The following TOMM70 variants were observed in gnomAD, a reference collection of about 807,000 sequenced individuals.
The protein encoded by TOMM70 is mitochondrial import receptor subunit TOM70.
TOMM70 carries 13 observed loss-of-function variants against 73.6 expected under a neutral mutation model. That is an observed-to-expected ratio of 0.18 (90% CI 0.11 to 0.28). TOMM70 has a LOEUF of 0.28. Ranked by LOEUF, TOMM70 falls within the 10% of genes least tolerant of loss-of-function variation. The pLI, the probability that TOMM70 is intolerant of heterozygous loss-of-function variation, is 1.00. For synonymous variants in TOMM70, 257 were observed against 271.2 expected (o/e 0.95, Z 0.51); for missense variants, 609 against 747.5 (o/e 0.81, Z 2.16).
intron 1 of TOMM70, among the ~76,000 whole-genome samples, chr3:100,387,599 G>GAC (rs71752325): frequency 0.11 from 12,776 of 118,016 alleles, 696 homozygotes; most frequent in Middle Eastern, 0.15. Flanking sequence ...CACAGACACA[G>GAC]ACACACACAC....
chr3:100,397,011 T>C (rs1201959319), intron 1 of TOMM70, among the ~76,000 whole-genome samples: 3 of 152,224 alleles, frequency 2.0e-5, no homozygotes, highest in Non-Finnish European at 4.4e-5. Flanking sequence ...ATACAGATTT[T>C]CCATTCTATT....
intron 1 of TOMM70, among the ~76,000 whole-genome samples, chr3:100,397,749 C>T (rs1333313282): frequency 3.3e-5 from 5 of 151,830 alleles, no homozygotes; most frequent in Non-Finnish European, 5.9e-5. Flanking sequence ...ATTAGCCAGG[C>T]GTGGTGGTGC....
intron 7 of TOMM70, among the ~76,000 whole-genome samples, chr3:100,374,658 G>A (rs1217874158): frequency 1.3e-5 from 2 of 152,094 alleles, no homozygotes; most frequent in Non-Finnish European, 2.9e-5. Context: ...CTTATAGCAA[G>A]AAGCTCACAA....
intron 10 of TOMM70, 74 bp from the exon 11 acceptor site, chr3:100,368,240 C>A: frequency 6.7e-7 from 1 of 1,484,064 alleles, no homozygotes; most frequent in Non-Finnish European, 9.0e-7. Flanking sequence ...TAATATGACT[C>A]AATTTCTGCC....
chr3:100,396,067 G>A (rs1368882731), intron 1 of TOMM70, among the ~76,000 whole-genome samples: 1 of 151,256 alleles, frequency 6.6e-6, no homozygotes, highest in African/African-American at 2.4e-5. Context: ...AGAAGCAGCA[G>A]GAAAAGTTAT....
intron 1 of TOMM70, among the ~76,000 whole-genome samples, chr3:100,389,146 AAAAC>A (rs1706731164): frequency 6.6e-6 from 1 of 152,234 alleles, no homozygotes; most frequent in Non-Finnish European, 1.5e-5. Context: ...TTTAAAAAGA[AAAAC>A]AATCCAGTGC....
chr3:100,390,022 A>G (rs1167496550), intron 1 of TOMM70, among the ~76,000 whole-genome samples: 1 of 152,182 alleles, frequency 6.6e-6, no homozygotes, highest in Non-Finnish European at 1.5e-5. Context: ...CCTGGGAGAC[A>G]GAGTGTGACT....
At chr3:100,371,018 T>TA (rs1706503729) in intron 9 of TOMM70, among the ~76,000 whole-genome samples, 1 of 152,184 alleles carries the variant, frequency 6.6e-6, no homozygotes, top group Non-Finnish European at 1.5e-5. Flanking sequence ...TTATAAGGCA[T>TA]AAACTCAAGT....
At position 100,377,811 on chromosome 3, in the gene TOMM70, G is replaced by C. The variant is rs1706582157; in HGVS notation, c.986C>G (p.Ala329Gly). Residue 329 changes from alanine to glycine, a missense_variant, in exon 6 of 12, where the codon GCA becomes GGA. Transcript: ENST00000284320. Reference sequence around the variant, plus strand: ...GGTAGCTCGTAGTAGCAATGCTTCTGCCATGTATTTGCCTTCAGCATCTAT... The same window carrying C: ...GGTAGCTCGTAGTAGCAATGCTTCTCCCATGTATTTGCCTTCAGCATCTAT... ...KEIDAEGKYM[A>G]EALLLRATFY... is the part of the protein sequence containing the mutation. 2 of 1,614,018 alleles carry C rather than the reference G, an allele frequency of 1.2e-6. No homozygotes were observed. The highest frequency in any genetic ancestry group is 1.7e-5 in the Admixed American group (1 of 60,006).
rs1706699247 is a variant in TOMM70, at chr3:100,386,990, G to A, written c.325-12C>T. The A allele has an allele frequency of 1.2e-6, 2 of 1,610,126 alleles. No individual in the cohort carries two copies. Among genetic ancestry groups the A allele is most frequent in the African/African-American group, 2.7e-5 (2 of 74,694 alleles). ...CTATCAAGAGAGTTCTGAAATGAGA[G>A]GAAACAATTATCAAACACTAATCAA... On this transcript the variant is annotated splice_polypyrimidine_tract_variant and intron_variant, in intron 1 of 11. Coordinates refer to ENST00000284320, the MANE Select transcript of TOMM70 (RefSeq NM_014820.5).
chr3:100,372,282 C>T (rs1706519204), intron 9 of TOMM70: 1 of 209,074 alleles, frequency 4.8e-6, no homozygotes, highest in Non-Finnish European at 9.4e-6. Context: ...AAAGCCTTTC[C>T]GTGGATATTT....
At chr3:100,375,835 T>A (rs1576212113) in intron 6 of TOMM70, among the ~76,000 whole-genome samples, 1 of 152,212 alleles carries the variant, frequency 6.6e-6, no homozygotes, top group Non-Finnish European at 1.5e-5. Context: ...CACCCAGCTC[T>A]CATGTACAAG....
chr3:100,387,752 C>T (rs1706710286), intron 1 of TOMM70, among the ~76,000 whole-genome samples: 2 of 151,826 alleles, frequency 1.3e-5, no homozygotes, highest in South Asian at 4.1e-4. Flanking sequence ...TCTCCTGCCT[C>T]AGCCTCCCGA....
intron 1 of TOMM70, among the ~76,000 whole-genome samples, chr3:100,396,818 T>A (rs538651419): frequency 1.3e-4 from 20 of 152,340 alleles, no homozygotes; most frequent in Non-Finnish European, 2.9e-4. Flanking sequence ...GATACCCCAA[T>A]ATTCCCATTA....
At chr3:100,393,836 C>T (rs1289677283) in intron 1 of TOMM70, among the ~76,000 whole-genome samples, 5 of 152,128 alleles carry the variant, frequency 3.3e-5, no homozygotes, top group African/African-American at 7.2e-5. Context: ...CATGAGAATC[C>T]GCTCTGAAAT....
Position 100,400,726 on chromosome 3 carries a change from C to T in TOMM70, c.224G>A (p.Ser75Asn). ...RREARGRGDA[S>N]GLKRNSERKT... is the part of the protein sequence containing the mutation. ...CCGTTCGCTGTTGCGCTTCAGGCCG[C>T]TGGCGTCGCCCCGGCCTCTGGCCTC... Residue 75 changes from serine (S) to asparagine (N), a missense_variant, in exon 1 of 12, where the codon AGC becomes AAC. This residue lies in a region of TOMM70 where 177 missense variants were observed against 163.5 expected (regional missense o/e 1.08). Transcript: ENST00000284320. 6.2e-7 allele frequency: 1 copy of T among 1,607,818 alleles called. No homozygotes were observed. The highest frequency in any genetic ancestry group is 8.5e-7 in the Non-Finnish European group (1 of 1,178,618).
chr3:100,367,924 G>T, intron 11 of TOMM70, 120 bp downstream of exon 11: 5 of 1,086,308 alleles, frequency 4.6e-6, no homozygotes, highest in Non-Finnish European at 6.2e-6. Context: ...TTTTTCCAAC[G>T]TGAATAATAC....
chr3:100,368,500 A>G (rs551249649), intron 10 of TOMM70, among the ~76,000 whole-genome samples: 1 of 152,342 alleles, frequency 6.6e-6, no homozygotes, highest in South Asian at 2.1e-4. Flanking sequence ...GTATTTGGAT[A>G]TAAGCCAACA....
intron 11 of TOMM70, among the ~76,000 whole-genome samples, chr3:100,367,539 GA>G (rs771798911): frequency 3.3e-5 from 5 of 152,174 alleles, no homozygotes; most frequent in Non-Finnish European, 7.3e-5. Context: ...CCTTTATAAA[GA>G]TGGGGATGAA....
Sources: allele counts gnomAD v4.1 joint callset (sites outside exome capture counted in the v4.1 genomes callset), GRCh38; gene constraint gnomAD v4.1.1; regional missense constraint gnomAD v4.1.1; transcripts MANE v1.5; gene names NCBI Gene and HGNC (gene_info 2026-07-23, HGNC 2026-07-21).